CNBD1: variants seen among roughly 807,000 people sequenced by gnomAD.
The protein encoded by CNBD1 is cyclic nucleotide binding domain containing 1.
In CNBD1, 71 loss-of-function variants were observed where a neutral mutation model predicts 54.4. That is an observed-to-expected ratio of 1.30 (90% CI 1.08 to 1.59). The LOEUF is 1.59. CNBD1 is among the 40% of genes most tolerant of loss of function. The pLI is 0.00. For synonymous variants in CNBD1, 182 were observed against 170.7 expected (o/e 1.07, Z -0.51); for missense variants, 659 against 518.0 (o/e 1.27, Z -2.64).
intron 2 of CNBD1, among the ~76,000 whole-genome samples, chr8:87,405,083 G>A (rs962028837): frequency 6.6e-6 from 1 of 151,898 alleles, no homozygotes; most frequent in Non-Finnish European, 1.5e-5. Flanking sequence ...TCATTCATTT[G>A]GAAAGAAAAT....
At chr8:87,217,739 T>C (rs1250690898) in intron 5 of CNBD1, among the ~76,000 whole-genome samples, 1 of 152,150 alleles carries the variant, frequency 6.6e-6, no homozygotes, top group East Asian at 1.9e-4. Context: ...GCTCATATTA[T>C]TGTTTTTGTA....
chr8:87,396,978 G>A (rs974300861), intron 2 of CNBD1, among the ~76,000 whole-genome samples: 13 of 148,610 alleles, frequency 8.7e-5, no homozygotes, highest in South Asian at 2.1e-4. Flanking sequence ...AATGAATCAC[G>A]TATAACTAAT....
chr8:87,302,017 G>A (rs1809008988), intron 8 of CNBD1, among the ~76,000 whole-genome samples: 3 of 151,988 alleles, frequency 2.0e-5, no homozygotes, highest in Admixed American at 6.6e-5. Flanking sequence ...ACCAAAAAAA[G>A]TCCAGGACCA....
intron 6 of CNBD1, among the ~76,000 whole-genome samples, chr8:87,274,439 C>T (rs1808434107): frequency 6.8e-6 from 1 of 146,844 alleles, no homozygotes; most frequent in Non-Finnish European, 1.5e-5. Flanking sequence ...CCTGTTGTTT[C>T]CTGACTTTTT....
chr8:86,935,850 A>G (rs929463906), intron 3 of CNBD1, among the ~76,000 whole-genome samples: 3 of 151,766 alleles, frequency 2.0e-5, no homozygotes, highest in African/African-American at 4.8e-5. Context: ...TTTTTAAAAA[A>G]CATGCATTTG....
chr8:87,260,071 T>A (rs1473261189), intron 6 of CNBD1, among the ~76,000 whole-genome samples: 1 of 152,120 alleles, frequency 6.6e-6, no homozygotes, highest in Admixed American at 6.6e-5. Context: ...CGACTGCCAC[T>A]GTGAAAGGGA....
At chr8:86,963,820 C>A (rs561447009) in intron 4 of CNBD1, among the ~76,000 whole-genome samples, 1 of 152,264 alleles carries the variant, frequency 6.6e-6, no homozygotes, top group Non-Finnish European at 1.5e-5. Context: ...ACAGTCTGAA[C>A]CACCAGAGTC....
At chr8:87,205,863 T>A (rs1242354479) in intron 4 of CNBD1, 130 bp from the exon 5 acceptor site, 1 of 659,332 alleles carries the variant, frequency 1.5e-6, no homozygotes, top group Non-Finnish European at 2.2e-6. Flanking sequence ...TAGAATAGCA[T>A]CACAGTTCTT....
chr8:87,260,101 C>A (rs1330137045), intron 6 of CNBD1, among the ~76,000 whole-genome samples: 2 of 152,152 alleles, frequency 1.3e-5, no homozygotes, highest in Admixed American at 6.6e-5. Context: ...AGCTACTGAG[C>A]TACAGCACAG....
rs77925971 is a variant in CNBD1 at position 86,989,055 on chromosome 8, G to A, written c.431+49301G>A. 1.9e-3 allele frequency among the ~76,000 whole-genome samples: 291 copies of A among 152,172 alleles called. 10 individuals carry two copies. The East Asian group carries it at 0.052, about 27-fold the overall frequency. On this transcript the variant is annotated intron_variant, in intron 4 of 10. Transcript: ENST00000518476. ...GAGGCTAAGGTGGTTAGGATTGTTT[G>A]AACTTTGGAGTTTGAGACAAGCACA...
chr8:87,100,845 T>G (rs942543488), intron 4 of CNBD1, among the ~76,000 whole-genome samples: 1 of 152,132 alleles, frequency 6.6e-6, no homozygotes, highest in Non-Finnish European at 1.5e-5. Context: ...GCTGGAAAAT[T>G]TAAATGGGAA....
chr8:87,223,856 C>A (rs1443915789), intron 5 of CNBD1, among the ~76,000 whole-genome samples: 2 of 152,062 alleles, frequency 1.3e-5, no homozygotes, highest in African/African-American at 2.4e-5. Context: ...ACAGTCCCAC[C>A]AACAGTGTAA....
chr8:87,426,097 A>G (rs1032449843), intron 2 of CNBD1, among the ~76,000 whole-genome samples: 2 of 152,026 alleles, frequency 1.3e-5, no homozygotes, highest in Admixed American at 1.3e-4. Flanking sequence ...GCCGTCCATC[A>G]CCCCTTTCTT....
rs138294673 is a variant in CNBD1 at position 87,192,716 on chromosome 8, C to G, written c.432-13277C>G. Among the ~76,000 whole-genome samples the G allele has an allele frequency of 2.2e-3, 339 of 152,272 alleles. 3 individuals are homozygous for G. Among genetic ancestry groups the G allele is most frequent in the African/African-American group, 7.7e-3 (322 of 41,560 alleles). On this transcript the variant is annotated intron_variant, in intron 4 of 10. Coordinates refer to ENST00000518476, the MANE Select transcript of CNBD1 (RefSeq NM_173538.3). ...GATTCCCTGTAATTTCACATCAGCC[C>G]TATGGATTCCTAATTGTTCTTTCAG...
intron 6 of CNBD1, among the ~76,000 whole-genome samples, chr8:87,239,560 T>A (rs1807650250): frequency 6.6e-6 from 1 of 152,096 alleles, no homozygotes; most frequent in Admixed American, 6.6e-5. Context: ...ACCGAACAAC[T>A]AAGAAGAAGA....
intron 5 of CNBD1, among the ~76,000 whole-genome samples, chr8:87,224,223 C>T (rs1173444050): frequency 2.6e-5 from 4 of 151,110 alleles, no homozygotes; most frequent in Admixed American, 2.0e-4. Context: ...GTTTCTTTTG[C>T]TGTGCAGAAG....
At chr8:86,911,930 A>C (rs1050005085) in intron 3 of CNBD1, among the ~76,000 whole-genome samples, 1 of 152,186 alleles carries the variant, frequency 6.6e-6, no homozygotes, top group African/African-American at 2.4e-5. Context: ...CTCTACTAGG[A>C]AAACTATAAA....
rs566173128 is a variant in CNBD1 at position 87,233,205 on chromosome 8, T to A, written c.578-3714T>A. Among the ~76,000 whole-genome samples, 50 of 152,236 alleles carry A rather than the reference T, an allele frequency of 3.3e-4. No homozygotes were observed. The South Asian group carries it at 3.9e-3, about 12-fold the overall frequency. On this transcript the variant is annotated intron_variant, in intron 5 of 10. Coordinates refer to ENST00000518476, the MANE Select transcript of CNBD1 (RefSeq NM_173538.3). The stretch of plus-strand genomic sequence containing the variant: ...TTGATCTGGACGTTGATCCTAGGAG[T>A]ATATGATTCTCCCATAATTACACAA...
At chr8:87,406,475 CACACT>C (rs58092160) in intron 2 of CNBD1, among the ~76,000 whole-genome samples, 4,972 of 106,310 alleles carry the variant, frequency 0.047, 174 homozygotes, top group African/African-American at 0.17. Context: ...CACACACACA[CACACT>C]TTTTTTTTTT....
Sources: allele counts gnomAD v4.1 joint callset (sites outside exome capture counted in the v4.1 genomes callset), GRCh38; gene constraint gnomAD v4.1.1; transcripts MANE v1.5; gene names NCBI Gene and HGNC (gene_info 2026-07-23, HGNC 2026-07-21).